Variants in SYNPO2 observed in about 807,000 individuals in gnomAD.
The protein encoded by SYNPO2 is synaptopodin 2.
Under a neutral mutation model 85.0 loss-of-function variants are expected in SYNPO2, and 56 were observed. The observed-to-expected ratio is 0.66, with a 90% CI of 0.53 to 0.82. The LOEUF is 0.82. Among genes scored for constraint, SYNPO2 ranks in the 40% least tolerant of loss-of-function variants. The pLI is 0.00. For synonymous variants in SYNPO2, 602 were observed against 591.1 expected (o/e 1.02, Z -0.27); for missense variants, 1,575 against 1,534.2 (o/e 1.03, Z -0.44).
chr4:119,017,901 G>A (rs762587839), intron 1 of SYNPO2, among the ~76,000 whole-genome samples: 7 of 152,122 alleles, frequency 4.6e-5, no homozygotes, highest in Non-Finnish European at 1.0e-4. Context: ...GTACTAGGTC[G>A]ATGAGAAATC....
intron 1 of SYNPO2, among the ~76,000 whole-genome samples, chr4:118,987,930 C>A (rs1736279125): frequency 6.6e-6 from 1 of 152,050 alleles, no homozygotes; most frequent in South Asian, 2.1e-4. Flanking sequence ...ATATTCTGTA[C>A]CATGTGAAGT....
intron 1 of SYNPO2, among the ~76,000 whole-genome samples, chr4:118,969,232 C>T (rs1202137186): frequency 1.3e-5 from 2 of 152,168 alleles, no homozygotes; most frequent in Non-Finnish European, 1.5e-5. Flanking sequence ...TAGTGTTACT[C>T]CCTAAAACAT....
chr4:118,952,948 A>G (rs1027435462), intron 1 of SYNPO2, among the ~76,000 whole-genome samples: 3 of 152,206 alleles, frequency 2.0e-5, no homozygotes, highest in African/African-American at 7.2e-5. Context: ...AAAATTATAC[A>G]GAATCAGAGT....
intron 1 of SYNPO2, among the ~76,000 whole-genome samples, chr4:118,926,863 C>T (rs188740878): frequency 2.0e-5 from 3 of 152,288 alleles, no homozygotes; most frequent in South Asian, 4.1e-4. Flanking sequence ...CCACAGTACA[C>T]GAGCAGATTC....
intron 1 of SYNPO2, 91 bp downstream of exon 1, chr4:118,889,232 G>T: frequency 1.7e-6 from 2 of 1,177,864 alleles, no homozygotes. Flanking sequence ...TGATGCAGAA[G>T]TCTAAGTATT....
intron 1 of SYNPO2, among the ~76,000 whole-genome samples, chr4:118,863,756 C>G (rs909233079): frequency 6.6e-6 from 1 of 151,738 alleles, no homozygotes; most frequent in African/African-American, 2.4e-5. Flanking sequence ...GGACTACAGG[C>G]GCAAGCCATC....
At chr4:118,877,574 C>T (rs2110576926) in intron 1 of SYNPO2, among the ~76,000 whole-genome samples, 1 of 152,320 alleles carries the variant, frequency 6.6e-6, no homozygotes, top group East Asian at 1.9e-4. Context: ...CAAAAGAAGA[C>T]ATATACGCGG....
intron 1 of SYNPO2, among the ~76,000 whole-genome samples, chr4:118,939,622 T>A (rs376122758): frequency 7.2e-5 from 11 of 152,192 alleles, no homozygotes; most frequent in Non-Finnish European, 7.3e-5. Flanking sequence ...GGCGCTCCTA[T>A]TATGAGAGAG....
rs780627287 is a variant in SYNPO2, at chr4:119,026,804, C to T, written c.435C>T (p.Asn145=). The change falls in exon 3 of 5, where the codon AAC becomes AAT. Residue 145 remains asparagine, a synonymous_variant. Transcript: ENST00000307142. Reference sequence around the variant, plus strand: ...AGACTGAAGTTCCCCTAGCTGAGAACCAAAGAAGTGGTCCCGACTGTGCAG... The same window carrying T: ...AGACTGAAGTTCCCCTAGCTGAGAATCAAAGAAGTGGTCCCGACTGTGCAG... ...PVKTEVPLAE[N]QRSGPDCAGS... 1 of 1,592,472 alleles carries T rather than the reference C, an allele frequency of 6.3e-7. No individual in the cohort carries two copies. Among genetic ancestry groups the T allele is most frequent in the African/African-American group, 1.4e-5 (1 of 71,504 alleles).
chr4:118,864,902 C>T (rs1252333402), intron 1 of SYNPO2, among the ~76,000 whole-genome samples: 3 of 152,118 alleles, frequency 2.0e-5, no homozygotes, highest in Non-Finnish European at 4.4e-5. Flanking sequence ...AAGTAAGATA[C>T]TGATAGCTAC....
chr4:118,991,395 G>A (rs376580150), intron 1 of SYNPO2, among the ~76,000 whole-genome samples: 2 of 152,050 alleles, frequency 1.3e-5, no homozygotes, highest in African/African-American at 2.4e-5. Context: ...TGATCCACCC[G>A]CCTCAGCCTC....
At chr4:119,025,568 A>G (rs777697785) in intron 2 of SYNPO2, among the ~76,000 whole-genome samples, 12 of 152,192 alleles carry the variant, frequency 7.9e-5, no homozygotes, top group Non-Finnish European at 1.6e-4. Flanking sequence ...GCACTACCAC[A>G]TAAATTCTAA....
intron 1 of SYNPO2, among the ~76,000 whole-genome samples, chr4:118,940,143 G>A (rs1042794164): frequency 4.6e-5 from 7 of 151,824 alleles, no homozygotes; most frequent in Non-Finnish European, 8.8e-5. Context: ...ACGCCACCAA[G>A]CCCAGTTAAT....
intron 4 of SYNPO2, chr4:119,034,018 G>A: frequency 1.0e-6 from 1 of 985,412 alleles, no homozygotes; most frequent in Non-Finnish European, 1.2e-6. Context: ...ACAGGATGTA[G>A]CTTGGTCTCT....
chr4:118,945,198 T>C (rs1734454969), intron 1 of SYNPO2, among the ~76,000 whole-genome samples: 1 of 152,264 alleles, frequency 6.6e-6, no homozygotes, highest in South Asian at 2.1e-4. Context: ...TCATGTTGTC[T>C]TTTTAACTTA....
chr4:119,030,942 A>G lies in SYNPO2; in HGVS notation c.2167A>G (p.Thr723Ala), dbSNP rs775206514. The G allele has an allele frequency of 2.0e-5, 32 of 1,614,198 alleles. No individual in the cohort carries two copies. Among genetic ancestry groups the G allele is most frequent in the Non-Finnish European group, 2.7e-5 (32 of 1,180,024 alleles). Residue 723 changes from threonine to alanine, a missense_variant, in exon 4 of 5, where the codon ACT becomes GCT. This residue lies in a region of SYNPO2 where 1,508 missense variants were observed against 1,446.8 expected (regional missense o/e 1.04). Transcript: ENST00000307142. Reference protein sequence around the residue: ...LLQNSEGKRGTGAGGDSGPEE... With the variant: ...LLQNSEGKRGAGAGGDSGPEE... ...TCAAAATTCAGAAGGCAAACGGGGC[A>G]CTGGAGCTGGAGGTGATTCCGGACC...
Position 119,027,439 on chromosome 4 carries a change from G to A in SYNPO2, c.1069+1G>A. ...CACAAGCACCGAGCGCGGCATGCAC[G>A]TAAGTTCTGCCTGGGCTTTCAGAAG... On this transcript the variant is annotated splice_donor_variant, in intron 3 of 4. Coordinates refer to ENST00000307142, the MANE Select transcript of SYNPO2 (RefSeq NM_133477.3). LOFTEE classifies it high-confidence loss of function. The A allele has an allele frequency of 6.3e-7, 1 of 1,580,396 alleles. No individual in the cohort carries two copies. Among genetic ancestry groups the A allele is most frequent in the East Asian group, 2.3e-5 (1 of 44,138 alleles).
intron 1 of SYNPO2, among the ~76,000 whole-genome samples, chr4:118,907,415 C>G (rs1048587653): frequency 1.3e-5 from 2 of 152,144 alleles, no homozygotes; most frequent in African/African-American, 4.8e-5. Context: ...AAAACTGCTA[C>G]AATACTCTGA....
intron 4 of SYNPO2, among the ~76,000 whole-genome samples, chr4:119,052,239 G>A (rs1406856730): frequency 1.3e-5 from 2 of 152,174 alleles, no homozygotes; most frequent in African/African-American, 4.8e-5. Flanking sequence ...GGCCAGTCCA[G>A]GCTAGGAGCA....
Sources: allele counts gnomAD v4.1 joint callset (sites outside exome capture counted in the v4.1 genomes callset), GRCh38; gene constraint gnomAD v4.1.1; regional missense constraint gnomAD v4.1.1; transcripts MANE v1.5; gene names NCBI Gene and HGNC (gene_info 2026-07-23, HGNC 2026-07-21).